The following EML6 variants were observed in gnomAD, a reference collection of about 807,000 sequenced individuals.
The protein encoded by EML6 is EMAP like 6, also known as echinoderm microtubule-associated protein-like 6.
EML6 carries 154 observed loss-of-function variants against 240.1 expected under a neutral mutation model. The ratio of observed to expected loss-of-function variants is 0.64; its 90% CI spans 0.56 to 0.73. The LOEUF (loss-of-function observed/expected upper bound fraction) is 0.73, where lower values mean the gene tolerates loss of function less well. Among genes scored for constraint, EML6 ranks in the 30% least tolerant of loss-of-function variants. EML6 has a pLI of 0.00. For synonymous variants in EML6, 1,148 were observed against 899.0 expected (o/e 1.28, Z -4.95); for missense variants, 2,964 against 2,474.6 (o/e 1.20, Z -4.20).
chr2:54,732,791 A>G (rs767974973), intron 2 of EML6, among the ~76,000 whole-genome samples: 3 of 152,268 alleles, frequency 2.0e-5, no homozygotes, highest in Non-Finnish European at 2.9e-5. Flanking sequence ...AAAGTAAACT[A>G]TAACTTAAAT....
intron 17 of EML6, among the ~76,000 whole-genome samples, chr2:54,883,099 G>A: frequency 6.6e-6 from 1 of 151,494 alleles, no homozygotes; most frequent in Non-Finnish European, 1.5e-5. Context: ...AATAATATAT[G>A]ATCATTATAG....
At chr2:54,793,626 C>A (rs2103921661) in intron 2 of EML6, among the ~76,000 whole-genome samples, 1 of 152,280 alleles carries the variant, frequency 6.6e-6, no homozygotes, top group South Asian at 2.1e-4. Context: ...CTATTCTTCC[C>A]TTCCTTAGCA....
At chr2:54,952,556 G>A (rs781548427) in intron 30 of EML6, 38 bp from the exon 31 acceptor site, 12 of 1,405,316 alleles carry the variant, frequency 8.5e-6, no homozygotes, top group Non-Finnish European at 1.1e-5. Context: ...AGGTCTTTAG[G>A]TTCCACTGTT....
intron 2 of EML6, among the ~76,000 whole-genome samples, chr2:54,779,950 T>G (rs991730994): frequency 2.0e-5 from 3 of 151,526 alleles, no homozygotes; most frequent in African/African-American, 7.3e-5. Flanking sequence ...TACAAAAATT[T>G]AAAAAGTGGA....
intron 5 of EML6, among the ~76,000 whole-genome samples, chr2:54,821,738 G>C (rs572673164): frequency 3.3e-5 from 5 of 151,980 alleles, no homozygotes; most frequent in Non-Finnish European, 7.4e-5. Flanking sequence ...GAGTATAATA[G>C]CATCTCTAAC....
intron 9 of EML6, among the ~76,000 whole-genome samples, chr2:54,849,032 C>T (rs190061393): frequency 3.3e-5 from 5 of 152,134 alleles, no homozygotes; most frequent in East Asian, 3.9e-4. Flanking sequence ...TTCTCCATGG[C>T]GTATTTTTAA....
chr2:54,945,405 T>C (rs1475379467), intron 28 of EML6, among the ~76,000 whole-genome samples: 1 of 151,800 alleles, frequency 6.6e-6, no homozygotes, highest in African/African-American at 2.4e-5. Flanking sequence ...AAGGACACTT[T>C]GAACATTGTC....
chr2:54,938,328 C>G (rs7589959), intron 28 of EML6, among the ~76,000 whole-genome samples: 48,841 of 151,960 alleles, frequency 0.32, 8,171 homozygotes, highest in African/African-American at 0.34. Flanking sequence ...GATGAAGTTT[C>G]TGTAATTTTA....
At chr2:54,762,702 C>G (rs1296020317) in intron 2 of EML6, among the ~76,000 whole-genome samples, 2 of 152,142 alleles carry the variant, frequency 1.3e-5, no homozygotes, top group Non-Finnish European at 2.9e-5. Context: ...TTTCCTTTGT[C>G]CTTCTGACAT....
chr2:54,793,964 T>G (rs532362197), intron 2 of EML6, among the ~76,000 whole-genome samples: 11 of 152,354 alleles, frequency 7.2e-5, no homozygotes, highest in Non-Finnish European at 1.5e-4. Flanking sequence ...CAGTTGTTAC[T>G]GGTTTCCCTG....
chr2:54,829,284 T>A lies in EML6; in HGVS notation c.712-58T>A. 5 of 1,479,852 alleles carry A rather than the reference T, an allele frequency of 3.4e-6. No individual in the cohort carries two copies. In the South Asian group the frequency reaches 6.4e-5, roughly 19 times the overall value. The allele number at this position is 1,479,852 out of a possible 1,614,324, so 91.7% of individuals were successfully genotyped here. ...GTTTTTAAATCAACATTCAACTGTA[T>A]CTATTCATTATACTTAGGATGGTTG... On this transcript the variant is annotated intron_variant, in intron 6 of 41. Coordinates refer to ENST00000356458, the MANE Select transcript of EML6 (RefSeq NM_001039753.4).
In EML6 at chr2:54,840,010, C is replaced by CA. The variant is rs1669357375; in HGVS notation, c.848-4035dup. Among the ~76,000 whole-genome samples the CA allele has an allele frequency of 2.6e-5, 4 of 152,136 alleles. No individual in the cohort carries two copies. The South Asian group carries it at 8.3e-4, about 31-fold the overall frequency. Reference sequence around the variant, plus strand: ...CCAAATAAGGTTAAAAATAGCAGGACAATAAATACAGTAAAAAAGTAGATT... The same window carrying CA: ...CCAAATAAGGTTAAAAATAGCAGGACAAATAAATACAGTAAAAAAGTAGATT... On this transcript the variant is annotated intron_variant, in intron 7 of 41. Coordinates refer to ENST00000356458, the MANE Select transcript of EML6 (RefSeq NM_001039753.4).
At chr2:54,764,547 A>T (rs775060694) in intron 2 of EML6, among the ~76,000 whole-genome samples, 1 of 152,210 alleles carries the variant, frequency 6.6e-6, no homozygotes, top group Non-Finnish European at 1.5e-5. Context: ...GCATGTTTGC[A>T]TTGCTTACAT....
At chr2:54,948,848 A>T (rs1057040053) in intron 28 of EML6, 34 bp from the exon 29 acceptor site, 1 of 1,526,468 alleles carries the variant, frequency 6.6e-7, no homozygotes, top group East Asian at 2.5e-5. Context: ...CCCTTGTTCA[A>T]TGCTGTGCTT....
intron 17 of EML6, among the ~76,000 whole-genome samples, chr2:54,884,125 G>T (rs978832988): frequency 1.3e-5 from 2 of 152,128 alleles, no homozygotes; most frequent in Non-Finnish European, 2.9e-5. Context: ...ACAGGTTGAG[G>T]GCTCAGTTTC....
At chr2:54,887,787 G>A (rs1265827232) in intron 17 of EML6, among the ~76,000 whole-genome samples, 1 of 152,036 alleles carries the variant, frequency 6.6e-6, no homozygotes, top group Non-Finnish European at 1.5e-5. Context: ...TAGATTGACA[G>A]CAAAATTGAG....
At chr2:54,839,318 T>C (rs1174899804) in intron 7 of EML6, among the ~76,000 whole-genome samples, 1 of 152,216 alleles carries the variant, frequency 6.6e-6, no homozygotes, top group East Asian at 1.9e-4. Flanking sequence ...TGAATACAGC[T>C]TTTGACACAC....
chr2:54,838,287 G>A (rs1037610293), intron 7 of EML6, among the ~76,000 whole-genome samples: 5 of 152,142 alleles, frequency 3.3e-5, no homozygotes, highest in South Asian at 4.1e-4. Flanking sequence ...CAAAACCCGC[G>A]GGTTAAAATA....
chr2:54,855,106 T>C (rs967788068), intron 11 of EML6, among the ~76,000 whole-genome samples: 1 of 152,202 alleles, frequency 6.6e-6, no homozygotes, highest in African/African-American at 2.4e-5. Context: ...AGAAAGCATG[T>C]GTTAGTCTAT....
Sources: allele counts gnomAD v4.1 joint callset (sites outside exome capture counted in the v4.1 genomes callset), GRCh38; gene constraint gnomAD v4.1.1; transcripts MANE v1.5; gene names NCBI Gene and HGNC (gene_info 2026-07-23, HGNC 2026-07-21).